The following YPEL2 variants were observed in gnomAD, a reference collection of about 807,000 sequenced individuals.
YPEL2 encodes yippee like 2, also known as protein yippee-like 2.
Under a neutral mutation model 19.1 loss-of-function variants are expected in YPEL2, and 2 were observed. The ratio of observed to expected loss-of-function variants is 0.10; its 90% CI spans 0.04 to 0.33. The LOEUF (loss-of-function observed/expected upper bound fraction) is 0.33. Ranked by LOEUF, YPEL2 falls within the 10% of genes least tolerant of loss-of-function variation. The pLI is 1.00. For synonymous variants in YPEL2, 52 were observed against 50.0 expected (o/e 1.04, Z -0.17); for missense variants, 66 against 140.7 (o/e 0.47, Z 2.68).
intron 4 of YPEL2, among the ~76,000 whole-genome samples, chr17:59,394,992 G>A (rs1179491565): frequency 3.3e-5 from 5 of 152,238 alleles, no homozygotes; most frequent in Non-Finnish European, 7.3e-5. Context: ...AGCAGGCTGA[G>A]GCAGGAGAAT....
intron 2 of YPEL2, among the ~76,000 whole-genome samples, chr17:59,358,538 A>G (rs996067369): frequency 3.3e-5 from 5 of 151,110 alleles, no homozygotes; most frequent in African/African-American, 9.7e-5. Flanking sequence ...TGTCCACTCT[A>G]CCTGTCAGGG....
intron 2 of YPEL2, among the ~76,000 whole-genome samples, chr17:59,366,818 CT>C (rs771617445): frequency 6.6e-6 from 1 of 152,162 alleles, no homozygotes; most frequent in African/African-American, 2.4e-5. Context: ...CTTCATGGAG[CT>C]TTTTGAAGCT....
intron 2 of YPEL2, among the ~76,000 whole-genome samples, chr17:59,377,248 ATTAAT>A (rs543105601): frequency 7.4e-4 from 112 of 152,316 alleles, no homozygotes; most frequent in African/African-American, 2.6e-3. Flanking sequence ...TCCTAGGCAT[ATTAAT>A]TTATATTATC....
Position 59,353,898 on chromosome 17 carries a change from A to T in YPEL2, c.117+372A>T, listed in dbSNP as rs112352249. ...AGGTGAATTCTGATAAAGCAGGGGAATGTCTTGTAAGAGGGGTTCCTTAGC... is the reference window on the plus strand; with the variant it reads ...AGGTGAATTCTGATAAAGCAGGGGATTGTCTTGTAAGAGGGGTTCCTTAGC... On this transcript the variant is annotated intron_variant, in intron 2 of 4. Coordinates refer to ENST00000312655, the MANE Select transcript of YPEL2 (RefSeq NM_001005404.4). The surrounding 1 kb of genome is among the most constrained non-coding windows in gnomAD (Gnocchi z 4.8). 2.8e-3 allele frequency: 888 copies of T among 320,196 alleles called. 1 individual carries two copies. Among genetic ancestry groups the T allele is most frequent in the Middle Eastern group, 0.014 (12 of 880 alleles). The allele number at this position is 320,196 out of a possible 1,614,324, so 19.8% of individuals were successfully genotyped here. A position where few individuals can be genotyped will look rare whatever the true frequency, so the allele number is the denominator to read the frequency against.
chr17:59,390,246 C>T (rs1479806095), intron 4 of YPEL2, among the ~76,000 whole-genome samples: 1 of 152,150 alleles, frequency 6.6e-6, no homozygotes, highest in Non-Finnish European at 1.5e-5. Flanking sequence ...AGGTGATCCA[C>T]CCCCGTCAGG....
At chr17:59,373,784 A>G (rs1024482166) in intron 2 of YPEL2, among the ~76,000 whole-genome samples, 4 of 152,186 alleles carry the variant, frequency 2.6e-5, no homozygotes, top group Non-Finnish European at 5.9e-5. Context: ...TGATTTTCCA[A>G]TGCTTGATAT....
At chr17:59,359,841 T>G (rs2047831584) in intron 2 of YPEL2, among the ~76,000 whole-genome samples, 1 of 152,366 alleles carries the variant, frequency 6.6e-6, no homozygotes. Context: ...ACAACTGCTC[T>G]GTATGGCCTG....
intron 1 of YPEL2, among the ~76,000 whole-genome samples, chr17:59,344,417 A>G (rs1037406068): frequency 6.6e-6 from 1 of 152,194 alleles, no homozygotes; most frequent in African/African-American, 2.4e-5. Flanking sequence ...ATTAAGGAGC[A>G]TTTCAGATGA....
chr17:59,373,052 A>G (rs2047904386), intron 2 of YPEL2, among the ~76,000 whole-genome samples: 1 of 152,200 alleles, frequency 6.6e-6, no homozygotes, highest in African/African-American at 2.4e-5. Flanking sequence ...TTGTATTTTT[A>G]GTAGAGACAG....
rs979977367 is a variant in YPEL2, at chr17:59,343,389, G to A, written c.-195-9826G>A. On this transcript the variant is annotated intron_variant, in intron 1 of 4. Coordinates refer to ENST00000312655, the MANE Select transcript of YPEL2 (RefSeq NM_001005404.4). Reference sequence around the variant, plus strand: ...TGGGGTTGGGGGGATCTGGAAGGCCGGACCTTTGACTGCAAGAAGTTCCCA... The same window carrying A: ...TGGGGTTGGGGGGATCTGGAAGGCCAGACCTTTGACTGCAAGAAGTTCCCA... 5.9e-5 allele frequency among the ~76,000 whole-genome samples: 9 copies of A among 152,096 alleles called. No homozygotes were observed. In the East Asian group the frequency reaches 1.3e-3, roughly 23 times the overall value.
At chr17:59,366,413 G>A (rs1415026336) in intron 2 of YPEL2, among the ~76,000 whole-genome samples, 2 of 152,120 alleles carry the variant, frequency 1.3e-5, no homozygotes, top group Non-Finnish European at 2.9e-5. Context: ...GGTTATCCGG[G>A]GCAGCTGAAA....
intron 2 of YPEL2, among the ~76,000 whole-genome samples, chr17:59,385,149 A>G (rs1320336553): frequency 6.6e-6 from 1 of 152,264 alleles, no homozygotes; most frequent in Admixed American, 6.5e-5. Flanking sequence ...ATAGAGTACT[A>G]CTCAGCAACA....
intron 1 of YPEL2, among the ~76,000 whole-genome samples, chr17:59,337,164 G>A (rs1175862073): frequency 6.6e-6 from 1 of 151,046 alleles, no homozygotes; most frequent in Non-Finnish European, 1.5e-5. Flanking sequence ...CCCCCTTTAA[G>A]AAGTTCATGG....
At chr17:59,370,095 C>T (rs1206732941) in intron 2 of YPEL2, among the ~76,000 whole-genome samples, 2 of 152,212 alleles carry the variant, frequency 1.3e-5, no homozygotes, top group South Asian at 2.1e-4. Context: ...CTCGCTCTGT[C>T]GCCTGGGCTG....
At chr17:59,395,895 G>A (rs1402972907) in intron 4 of YPEL2, among the ~76,000 whole-genome samples, 2 of 152,112 alleles carry the variant, frequency 1.3e-5, no homozygotes, top group African/African-American at 2.4e-5. Context: ...TGGCTAACAT[G>A]GTGAAACCCC....
intron 2 of YPEL2, chr17:59,363,412 A>G (rs1045561806): frequency 1.3e-5 from 2 of 151,816 alleles, no homozygotes; most frequent in Non-Finnish European, 1.5e-5. Flanking sequence ...GGTTCGAGCA[A>G]TTCTCCTGCC....
Position 59,381,784 on chromosome 17 carries a change from G to A in YPEL2, c.118-6543G>A, listed in dbSNP as rs1241516075. Among the ~76,000 whole-genome samples, 4 of 152,296 alleles carry A rather than the reference G, an allele frequency of 2.6e-5. No homozygotes were observed. In the East Asian group the frequency reaches 5.8e-4, roughly 22 times the overall value. ...CCTGGAGGCCTGCACACCAGCCTTG[G>A]TTGATACACAACATGGAAAAGAGCC... On this transcript the variant is annotated intron_variant, in intron 2 of 4. Coordinates refer to ENST00000312655, the MANE Select transcript of YPEL2 (RefSeq NM_001005404.4).
At chr17:59,393,177 G>A (rs932562869) in intron 4 of YPEL2, among the ~76,000 whole-genome samples, 1 of 152,078 alleles carries the variant, frequency 6.6e-6, no homozygotes, top group Non-Finnish European at 1.5e-5. Context: ...GCCCCTGGCT[G>A]GACTGCAGTG....
intron 4 of YPEL2, 133 bp downstream of exon 4, chr17:59,389,601 C>A: frequency 1.5e-6 from 1 of 666,770 alleles, no homozygotes; most frequent in Non-Finnish European, 2.6e-6. Context: ...ACCTGTCTAC[C>A]ACACTCATTC....
Sources: gnomAD v4.1 joint callset for allele counts (sites outside exome capture counted in the v4.1 genomes callset) on GRCh38, gnomAD v4.1.1 for gene constraint, Gnocchi (gnomAD v3.1) non-coding constraint, MANE v1.5 for transcripts, NCBI Gene and HGNC (gene_info 2026-07-23, HGNC 2026-07-21) for gene names.